The following FAM107A variants were observed in gnomAD, a reference collection of about 807,000 sequenced individuals.
The protein encoded by FAM107A is actin-associated protein FAM107A.
Under a neutral mutation model 13.7 loss-of-function variants are expected in FAM107A, and 19 were observed. The ratio of observed to expected loss-of-function variants is 1.38; its 90% confidence interval spans 0.97 to 2.03. The LOEUF (loss-of-function observed/expected upper bound fraction) is 2.03. FAM107A is among the 30% of genes most tolerant of loss of function. The pLI is 0.00. For missense variants in FAM107A, 203 were observed against 184.4 expected (o/e 1.10, Z -0.58); for synonymous variants, 82 against 74.5 (o/e 1.10, Z -0.52).
upstream of FAM107A, among the ~76,000 whole-genome samples, chr3:58,590,996 C>A (rs2065650075): frequency 6.6e-6 from 1 of 152,250 alleles, no homozygotes; most frequent in Non-Finnish European, 1.5e-5. Flanking sequence ...AAGGCCTCTG[C>A]AGCCTGGCTT....
At chr3:58,627,119 G>A (rs1011971700) in intron 1 of FAM107A, 21 of 911,786 alleles carry the variant, frequency 2.3e-5, no homozygotes, top group African/African-American at 8.2e-5. Flanking sequence ...GTCCTCTTGC[G>A]GCTCATTCTC....
upstream of FAM107A, among the ~76,000 whole-genome samples, chr3:58,579,513 C>T (rs2065503938): frequency 6.6e-6 from 1 of 152,174 alleles, no homozygotes; most frequent in African/African-American, 2.4e-5. Flanking sequence ...CTTCCCCAAA[C>T]TCTCCTGGTA....
At chr3:58,587,474 A>AGT (rs376881213), upstream of FAM107A, among the ~76,000 whole-genome samples, 1,301 of 145,518 alleles carry the variant, frequency 8.9e-3, 6 homozygotes, top group Middle Eastern at 0.014. Context: ...ATCAGCTTAG[A>AGT]GTGTGTGTGT....
upstream of FAM107A, chr3:58,577,422 C>T (rs1575443292): frequency 3.0e-6 from 3 of 985,372 alleles, no homozygotes; most frequent in Non-Finnish European, 3.6e-6. This position sits in a 1 kb window ranked among gnomAD's most constrained non-coding sequence, Gnocchi z 4.9. Context: ...GGTTCTTAAA[C>T]CCCTGGGAAC....
intron 1 of FAM107A, among the ~76,000 whole-genome samples, chr3:58,595,827 C>G (rs146497929): frequency 2.0e-5 from 3 of 152,226 alleles, no homozygotes; most frequent in Non-Finnish European, 2.9e-5. Context: ...AGGGCTCTCT[C>G]CCTTCAATGG....
rs953561270 is a variant in FAM107A, at chr3:58,604,589, C to T, written c.-69-15320G>A. Among the ~76,000 whole-genome samples, 2 of 152,158 alleles carry T rather than the reference C, an allele frequency of 1.3e-5. No individual in the cohort carries two copies. The highest frequency in any genetic ancestry group is 2.4e-5 in the African/African-American group (1 of 41,436). The stretch of plus-strand genomic sequence containing the variant: ...CCCTGGGCCCCATAAGATCAATCAG[C>T]GGGACCTCAGGATGTGTGGACTGAA... On this transcript the variant is annotated intron_variant, in intron 1 of 3. Transcript: ENST00000465970. The surrounding 1 kb of genome is among the most constrained non-coding windows in gnomAD (Gnocchi z 4.1).
At chr3:58,610,876 C>T (rs76230183) in intron 1 of FAM107A, among the ~76,000 whole-genome samples, 3,025 of 152,304 alleles carry the variant, frequency 0.02, 46 homozygotes, top group Non-Finnish European at 0.027. Flanking sequence ...GACATAAGCC[C>T]TGATGTGATT....
intron 1 of FAM107A, among the ~76,000 whole-genome samples, chr3:58,572,461 G>A (rs1025214054): frequency 2.0e-5 from 3 of 152,146 alleles, no homozygotes; most frequent in Non-Finnish European, 4.4e-5. Context: ...AGGCCATTTG[G>A]GGCCTAGGGA....
chr3:58,627,365 C>T (rs565724926), intron 1 of FAM107A: 11 of 242,644 alleles, frequency 4.5e-5, no homozygotes, highest in South Asian at 1.1e-4. Context: ...GTAGCTCAGG[C>T]GCGGCGGGTG....
chr3:58,577,593 C>T, upstream of FAM107A: 3 of 985,400 alleles, frequency 3.0e-6, no homozygotes, highest in Non-Finnish European at 3.6e-6. The surrounding 1 kb of genome is among the most constrained non-coding windows in gnomAD (Gnocchi z 4.9). Context: ...GCTTGAGAGG[C>T]ACAAATAAAT....
intron 1 of FAM107A, among the ~76,000 whole-genome samples, chr3:58,597,125 T>G (rs558537876): frequency 7.9e-5 from 12 of 152,328 alleles, no homozygotes; most frequent in African/African-American, 2.6e-4. Flanking sequence ...TGGTTTCCAG[T>G]TTTTGGCTAT....
chr3:58,621,168 A>G (rs1172103913), intron 1 of FAM107A, among the ~76,000 whole-genome samples: 1 of 152,166 alleles, frequency 6.6e-6, no homozygotes, highest in East Asian at 1.9e-4. Flanking sequence ...AGATAGAGTA[A>G]AAGGGGAGCC....
Position 58,616,580 on chromosome 3 carries a change from C to T in FAM107A, c.-70+10836G>A, listed in dbSNP as rs565945791. Among the ~76,000 whole-genome samples, 11 of 145,516 alleles carry T rather than the reference C, an allele frequency of 7.6e-5. No individual in the cohort carries two copies. The South Asian group carries it at 2.4e-3, about 32-fold the overall frequency. On this transcript the variant is annotated intron_variant, in intron 1 of 3. Coordinates refer to the FAM107A transcript ENST00000465970. ...ACACACACACACACCACCACTACCA[C>T]CACCACCACCATCACCACCACCACC...
At chr3:58,595,269 T>C (rs190265575) in intron 1 of FAM107A, among the ~76,000 whole-genome samples, 282 of 152,266 alleles carry the variant, frequency 1.9e-3, no homozygotes, top group Non-Finnish European at 3.1e-3. Context: ...AAGACAGGAA[T>C]GTCAGGCCTC....
At chr3:58,595,700 G>GCACA (rs151159375) in intron 1 of FAM107A, among the ~76,000 whole-genome samples, 30,675 of 150,894 alleles carry the variant, frequency 0.2, 3,744 homozygotes, top group East Asian at 0.46. Context: ...CTTGTTGCGT[G>GCACA]CACACACACA....
In FAM107A at chr3:58,566,337, C is replaced by T; in HGVS notation, c.*251G>A. The T allele has an allele frequency of 2.1e-6, 1 of 482,988 alleles. No homozygotes were observed. 29.9% of individuals were successfully genotyped at this position (482,988 alleles called of 1,614,324 possible). A position where few individuals can be genotyped will look rare whatever the true frequency, so the allele number is the denominator to read the frequency against. On this transcript the variant is annotated 3_prime_UTR_variant, in exon 4 of 4. Transcript: ENST00000360997. The stretch of plus-strand genomic sequence containing the variant: ...AAAGCTCCTGTGCTGGGCTCTGAAC[C>T]CCTTGCAGGGAGGGGTGCAGGTTAT...
In FAM107A at chr3:58,594,297, G is replaced by C. The variant is rs1488344229; in HGVS notation, c.-69-5028C>G. Reference sequence around the variant, plus strand: ...CCTTGTTCTTTGGACTCTCCTCCCAGCCCCTCTTCTTGTTTACTTGTACCC... The same window carrying C: ...CCTTGTTCTTTGGACTCTCCTCCCACCCCCTCTTCTTGTTTACTTGTACCC... On this transcript the variant is annotated intron_variant, in intron 1 of 3. Coordinates refer to the FAM107A transcript ENST00000465970. Among the ~76,000 whole-genome samples the C allele has an allele frequency of 2.6e-5, 4 of 152,064 alleles. No individual in the cohort carries two copies. The East Asian group carries it at 7.7e-4, about 29-fold the overall frequency.
chr3:58,618,182 G>A (rs2065921352), intron 1 of FAM107A, among the ~76,000 whole-genome samples: 1 of 152,230 alleles, frequency 6.6e-6, no homozygotes, highest in African/African-American at 2.4e-5. Flanking sequence ...TGGCTGTGTT[G>A]TGCAAGGTTT....
At chr3:58,599,360 G>C (rs939692091) in intron 1 of FAM107A, among the ~76,000 whole-genome samples, 9 of 152,182 alleles carry the variant, frequency 5.9e-5, no homozygotes, top group African/African-American at 1.9e-4. Context: ...TGCTAGACCA[G>C]GAAGTACATG....
Sources: gnomAD v4.1 joint callset for allele counts (sites outside exome capture counted in the v4.1 genomes callset) on GRCh38, gnomAD v4.1.1 for gene constraint, Gnocchi (gnomAD v3.1) non-coding constraint, MANE v1.5 for transcripts, NCBI Gene and HGNC (gene_info 2026-07-23, HGNC 2026-07-21) for gene names.